CAB39: variants seen among roughly 807,000 people sequenced by gnomAD.
CAB39 encodes calcium-binding protein 39.
A neutral mutation model predicts 40.0 loss-of-function variants in CAB39; 8 were observed. The ratio of observed to expected loss-of-function variants is 0.20; its 90% CI spans 0.12 to 0.36. CAB39 has a LOEUF of 0.36. Among genes scored for constraint, CAB39 ranks in the 10% least tolerant of loss-of-function variants. CAB39 has a pLI of 1.00. For missense variants in CAB39, 270 were observed against 401.1 expected (o/e 0.67, Z 2.79); for synonymous variants, 156 against 141.6 (o/e 1.10, Z -0.72).
chr2:230,724,667 A>AGT (rs1694523437), intron 1 of CAB39, among the ~76,000 whole-genome samples: 1 of 141,206 alleles, frequency 7.1e-6, no homozygotes, highest in Non-Finnish European at 1.5e-5. Flanking sequence ...GGCAACAAAG[A>AGT]GTGAAACTCC....
At chr2:230,717,972 C>T (rs1262293580) in intron 1 of CAB39, among the ~76,000 whole-genome samples, 1 of 152,120 alleles carries the variant, frequency 6.6e-6, no homozygotes, top group African/African-American at 2.4e-5. Context: ...CCAGTGCATA[C>T]CTATTTGTAT....
At chr2:230,774,739 A>ATTT (rs1041542706) in intron 2 of CAB39, among the ~76,000 whole-genome samples, 1 of 152,162 alleles carries the variant, frequency 6.6e-6, no homozygotes, top group Non-Finnish European at 1.5e-5. Context: ...TAGCATGGCC[A>ATTT]TTTAACAGTG....
intron 2 of CAB39, among the ~76,000 whole-genome samples, chr2:230,790,180 G>A (rs780937495): frequency 5.3e-5 from 8 of 151,878 alleles, no homozygotes; most frequent in South Asian, 2.1e-4. Context: ...AAGTTGAGTC[G>A]GCAGTGAGCT....
intron 1 of CAB39, among the ~76,000 whole-genome samples, chr2:230,754,327 T>TTCC (rs1695143723): frequency 2.9e-5 from 4 of 136,284 alleles, no homozygotes; most frequent in African/African-American, 1.0e-4. Flanking sequence ...TCCTTCTTCC[T>TTCC]TCTTCTTCCT....
At chr2:230,773,312 ATATGTGTG>A (rs1481404808) in intron 2 of CAB39, among the ~76,000 whole-genome samples, 2 of 85,108 alleles carry the variant, frequency 2.3e-5, no homozygotes, top group African/African-American at 6.1e-5. Context: ...ATATATATAT[ATATGTGTG>A]TGTGTGTGTG....
intron 2 of CAB39, among the ~76,000 whole-genome samples, chr2:230,762,854 G>A (rs1475463506): frequency 1.3e-5 from 2 of 152,136 alleles, no homozygotes; most frequent in Admixed American, 1.3e-4. Flanking sequence ...CAGTAAATAA[G>A]TAAACATAGC....
chr2:230,790,449 A>T (rs1695874520), intron 2 of CAB39, among the ~76,000 whole-genome samples: 1 of 152,074 alleles, frequency 6.6e-6, no homozygotes, highest in Non-Finnish European at 1.5e-5. Context: ...TAAGACTTGT[A>T]CTTTCCCTTC....
At chr2:230,789,059 T>C (rs1695846426) in intron 2 of CAB39, among the ~76,000 whole-genome samples, 1 of 152,226 alleles carries the variant, frequency 6.6e-6, no homozygotes, top group African/African-American at 2.4e-5. Context: ...AGCTCACTAA[T>C]GAGATGTCCC....
intron 3 of CAB39, among the ~76,000 whole-genome samples, chr2:230,791,861 A>G (rs1695898035): frequency 6.6e-6 from 1 of 152,250 alleles, no homozygotes; most frequent in Non-Finnish European, 1.5e-5. Flanking sequence ...TTTGCGATGC[A>G]TATATGGTAA....
chr2:230,735,569 A>G (rs541821065), intron 1 of CAB39, among the ~76,000 whole-genome samples: 5 of 152,312 alleles, frequency 3.3e-5, no homozygotes, highest in Admixed American at 1.3e-4. Flanking sequence ...GCTGGAGTGC[A>G]GTGGTGCAGT....
chr2:230,774,073 A>T (rs1365561725), intron 2 of CAB39, among the ~76,000 whole-genome samples: 2 of 152,152 alleles, frequency 1.3e-5, no homozygotes, highest in African/African-American at 2.4e-5. Flanking sequence ...GTTTCCCGTG[A>T]TCCAGATGAA....
intron 1 of CAB39, among the ~76,000 whole-genome samples, chr2:230,724,842 T>C (rs1008253253): frequency 2.2e-5 from 3 of 138,604 alleles, no homozygotes; most frequent in Non-Finnish European, 3.0e-5. Context: ...AGGAGCCAAA[T>C]GGTATCAAAC....
chr2:230,721,171 C>A (rs1431622789), intron 1 of CAB39, among the ~76,000 whole-genome samples: 2 of 152,204 alleles, frequency 1.3e-5, no homozygotes, highest in African/African-American at 4.8e-5. Flanking sequence ...TGGCTCGTGC[C>A]TGTAATCCCA....
intron 3 of CAB39, among the ~76,000 whole-genome samples, chr2:230,791,669 A>G (rs1695894835): frequency 6.6e-6 from 1 of 152,126 alleles, no homozygotes; most frequent in South Asian, 2.1e-4. Flanking sequence ...CAGGGCGTCT[A>G]CACCTGGGTT....
At chr2:230,765,713 A>C (rs1405605159) in intron 2 of CAB39, among the ~76,000 whole-genome samples, 1 of 152,122 alleles carries the variant, frequency 6.6e-6, no homozygotes, top group Non-Finnish European at 1.5e-5. Context: ...AGGAGACATT[A>C]CAGGTTGTAA....
chr2:230,752,463 G>C (rs1348498956), intron 1 of CAB39, among the ~76,000 whole-genome samples: 1 of 152,178 alleles, frequency 6.6e-6, no homozygotes, highest in African/African-American at 2.4e-5. Flanking sequence ...ATCTCACATG[G>C]TGAAAGGTGG....
At chr2:230,761,335 G>A (rs1695287158) in intron 2 of CAB39, among the ~76,000 whole-genome samples, 1 of 152,098 alleles carries the variant, frequency 6.6e-6, no homozygotes. Context: ...ATATGCTACC[G>A]ATAAGCAGTC....
At chr2:230,768,866 T>C in intron 2 of CAB39, among the ~76,000 whole-genome samples, 1 of 152,178 alleles carries the variant, frequency 6.6e-6, no homozygotes, top group East Asian at 1.9e-4. Context: ...AGATGTGGTA[T>C]AGAAAACAAA....
chr2:230,717,555 C>T (rs1426994272), intron 1 of CAB39, among the ~76,000 whole-genome samples: 1 of 152,214 alleles, frequency 6.6e-6, no homozygotes, highest in African/African-American at 2.4e-5. Context: ...GAAGCAAATA[C>T]TTCTGCCGTC....
Sources: gnomAD v4.1 joint callset for allele counts (sites outside exome capture counted in the v4.1 genomes callset) on GRCh38, gnomAD v4.1.1 for gene constraint, MANE v1.5 for transcripts, NCBI Gene and HGNC (gene_info 2026-07-23, HGNC 2026-07-21) for gene names.